Variants in ESR1 observed in about 807,000 individuals in gnomAD.
ESR1 encodes estrogen receptor 1.
ESR1 carries 12 observed loss-of-function variants against 52.7 expected under a neutral mutation model. The observed-to-expected ratio is 0.23, with a 90% CI of 0.15 to 0.37. The LOEUF is 0.37. Among genes scored for constraint, ESR1 ranks in the 10% least tolerant of loss-of-function variants. The pLI, the probability that ESR1 is intolerant of heterozygous loss-of-function variation, is 1.00. For synonymous variants in ESR1, 305 were observed against 316.8 expected (o/e 0.96, Z 0.39); for missense variants, 584 against 779.7 (o/e 0.75, Z 2.99).
intron 6 of ESR1, among the ~76,000 whole-genome samples, chr6:152,063,109 GGATTTGGCCCCTGTCTGCCTCCTTCTCA>G (rs1387934419): frequency 2.0e-5 from 3 of 152,096 alleles, no homozygotes; most frequent in African/African-American, 7.2e-5. Flanking sequence ...TCTCACTGCA[GGATTTGGCCCCTGTCTGCCTCCTTCTCA>G]GACTAGTTAA....
At chr6:151,757,077 G>A (rs1186135519) in intron 2 of ESR1, among the ~76,000 whole-genome samples, 1 of 152,076 alleles carries the variant, frequency 6.6e-6, no homozygotes, top group African/African-American at 2.4e-5. Context: ...AGAAAAATGT[G>A]TATGTGTGAG....
upstream of ESR1, among the ~76,000 whole-genome samples, chr6:151,800,989 T>A (rs1777179441): frequency 6.6e-6 from 1 of 151,918 alleles, no homozygotes; most frequent in African/African-American, 2.4e-5. Context: ...CTGTCTTTTT[T>A]TAAAAAAAAT....
intron 4 of ESR1, among the ~76,000 whole-genome samples, chr6:152,004,417 A>G (rs944928162): frequency 1.3e-5 from 2 of 151,978 alleles, no homozygotes; most frequent in Non-Finnish European, 2.9e-5. Context: ...TTGGTCTACA[A>G]TGAGTTAGCC....
intron 3 of ESR1, among the ~76,000 whole-genome samples, chr6:151,930,880 G>A (rs554243095): frequency 6.4e-4 from 97 of 152,164 alleles, no homozygotes; most frequent in Non-Finnish European, 1.1e-3. Flanking sequence ...GGTTTCTGAA[G>A]AGAAATCTGC....
intron 2 of ESR1, among the ~76,000 whole-genome samples, chr6:151,771,309 T>A (rs1360400855): frequency 6.6e-6 from 1 of 152,198 alleles, no homozygotes; most frequent in Non-Finnish European, 1.5e-5. Context: ...CCTCTCTTAG[T>A]AGAAAAATTG....
intron 1 of ESR1, among the ~76,000 whole-genome samples, chr6:151,826,818 T>C (rs976246495): frequency 6.6e-6 from 1 of 152,232 alleles, no homozygotes; most frequent in African/African-American, 2.4e-5. Flanking sequence ...GAACTATTGA[T>C]CTATTTGTCT....
chr6:151,937,700 A>G (rs541397733), intron 3 of ESR1, among the ~76,000 whole-genome samples: 64 of 152,210 alleles, frequency 4.2e-4, no homozygotes, highest in Admixed American at 7.2e-4. Context: ...GATAACACTA[A>G]TAATAATAAT....
intron 1 of ESR1, among the ~76,000 whole-genome samples, chr6:151,696,416 G>A (rs761279015): frequency 1.3e-5 from 2 of 151,858 alleles, no homozygotes; most frequent in Non-Finnish European, 2.9e-5. Flanking sequence ...AGGTTGCAGT[G>A]AGCTGAGATA....
intron 4 of ESR1, among the ~76,000 whole-genome samples, chr6:151,963,306 CA>C (rs1197405410): frequency 2.0e-5 from 3 of 152,102 alleles, no homozygotes; most frequent in Non-Finnish European, 4.4e-5. Flanking sequence ...AATCTCTTTC[CA>C]GGGGGTAAAA....
chr6:151,854,831 G>A (rs1490699651), intron 2 of ESR1, among the ~76,000 whole-genome samples: 2 of 152,184 alleles, frequency 1.3e-5, no homozygotes, highest in Non-Finnish European at 2.9e-5. Context: ...ATAAATTATA[G>A]TTCATAAAAT....
At position 151,817,131 on chromosome 6, in the gene ESR1, C is replaced by G. The variant is rs1028555624; in HGVS notation, c.452+8767C>G. Among the ~76,000 whole-genome samples the G allele has an allele frequency of 3.3e-5, 5 of 152,216 alleles. No individual in the cohort carries two copies. In the East Asian group the frequency reaches 9.7e-4, roughly 29 times the overall value. On this transcript the variant is annotated intron_variant, in intron 1 of 7. Coordinates refer to ENST00000206249, the MANE Select transcript of ESR1 (RefSeq NM_000125.4). The stretch of plus-strand genomic sequence containing the variant: ...CATACTTAGGGAGCATCTACAAGGA[C>G]GTCTTTTTCACGTTGGTTGGAATAT...
At chr6:152,074,973 T>C (rs9478277) in intron 6 of ESR1, among the ~76,000 whole-genome samples, 31,198 of 152,172 alleles carry the variant, frequency 0.21, 4,413 homozygotes, top group African/African-American at 0.39. Context: ...AAGCTCTTTG[T>C]ATATTTTGGA....
rs1404580233 is a variant in ESR1, at chr6:152,069,661, G to A, written c.1369+8537G>A. On this transcript the variant is annotated intron_variant, in intron 6 of 7. Coordinates refer to ENST00000206249, the MANE Select transcript of ESR1 (RefSeq NM_000125.4). ...CAGGCATTAGTTAGATTCTCATGAG[G>A]GGCACACAGCCCAGATCCCTCACAT... Among the ~76,000 whole-genome samples, 2 of 136,350 alleles carry A rather than the reference G, an allele frequency of 1.5e-5. 1 individual carries two copies. Among genetic ancestry groups the A allele is most frequent in the Non-Finnish European group, 3.0e-5 (2 of 66,536 alleles). The allele number at this position is 136,350 out of a possible 152,430, so 89.5% of individuals were successfully genotyped here.
intron 6 of ESR1, among the ~76,000 whole-genome samples, chr6:152,111,481 G>A (rs2051135747): frequency 6.6e-6 from 1 of 152,188 alleles, no homozygotes; most frequent in African/African-American, 2.4e-5. Context: ...CCTGCAACCT[G>A]CCATCAGCTG....
intron 3 of ESR1, among the ~76,000 whole-genome samples, chr6:151,896,230 A>G (rs908501874): frequency 2.0e-5 from 3 of 152,082 alleles, no homozygotes; most frequent in East Asian, 1.9e-4. Flanking sequence ...CTCTTTCTTC[A>G]TCTTGTGGAA....
At chr6:151,806,557 T>TATATATATATATATATACAC (rs1554259008), upstream of ESR1, among the ~76,000 whole-genome samples, 112 of 133,768 alleles carry the variant, frequency 8.4e-4, 1 homozygote, top group Non-Finnish European at 1.2e-3. Context: ...TATATATATA[T>TATATATATATATATATACAC]ACACATATAT....
intron 2 of ESR1, among the ~76,000 whole-genome samples, chr6:151,735,113 G>T (rs1782546533): frequency 6.6e-6 from 1 of 152,102 alleles, no homozygotes. Context: ...ATCTTTCATG[G>T]CTGTGTTATT....
chr6:151,732,087 T>C (rs904685470), intron 2 of ESR1, among the ~76,000 whole-genome samples: 3 of 152,216 alleles, frequency 2.0e-5, no homozygotes, highest in African/African-American at 7.2e-5. Context: ...TTTTGAGAGA[T>C]AAAATCTGAA....
At chr6:151,724,587 T>TAC (rs67896661) in intron 2 of ESR1, among the ~76,000 whole-genome samples, 2,085 of 149,794 alleles carry the variant, frequency 0.014, 34 homozygotes, top group African/African-American at 0.043. Context: ...CACACACACA[T>TAC]ACACACACAC....
Sources: gnomAD v4.1 joint callset for allele counts (sites outside exome capture counted in the v4.1 genomes callset) on GRCh38, gnomAD v4.1.1 for gene constraint, MANE v1.5 for transcripts, NCBI Gene and HGNC (gene_info 2026-07-23, HGNC 2026-07-21) for gene names.